ANK1: variants seen among roughly 807,000 people sequenced by gnomAD.
ANK1 encodes the protein ankyrin-1.
Under a neutral mutation model 210.4 loss-of-function variants are expected in ANK1, and 51 were observed. The ratio of observed to expected loss-of-function variants is 0.24; its 90% CI spans 0.19 to 0.31. The LOEUF is 0.31. Among genes scored for constraint, ANK1 ranks in the 10% least tolerant of loss-of-function variants. ANK1 has a pLI of 1.00. For missense variants in ANK1, 2,051 were observed against 2,504.4 expected (o/e 0.82, Z 3.86); for synonymous variants, 967 against 1,025.9 (o/e 0.94, Z 1.10).
intron 1 of ANK1, among the ~76,000 whole-genome samples, chr8:41,832,182 A>G (rs1482580589): frequency 6.6e-6 from 1 of 152,200 alleles, no homozygotes; most frequent in Non-Finnish European, 1.5e-5. Flanking sequence ...GTTAAAATAA[A>G]TGCTAGACAG....
At chr8:41,715,573 G>A (rs1827394035) in intron 14 of ANK1, 79 bp downstream of exon 14, 33 of 1,548,080 alleles carry the variant, frequency 2.1e-5, no homozygotes, top group Non-Finnish European at 2.6e-5. Flanking sequence ...AAGAGAACCA[G>A]GCAGGAATTC....
At chr8:41,717,825 T>A in intron 11 of ANK1, 123 bp from the exon 12 acceptor site, 2 of 1,025,928 alleles carry the variant, frequency 1.9e-6, no homozygotes, top group Non-Finnish European at 1.5e-6. Flanking sequence ...CTATATGAGG[T>A]GGGTTTGCTT....
At chr8:41,889,999 C>T (rs765898200) in intron 1 of ANK1, among the ~76,000 whole-genome samples, 1 of 152,132 alleles carries the variant, frequency 6.6e-6, no homozygotes, top group Non-Finnish European at 1.5e-5. Flanking sequence ...TTTCCCAGTA[C>T]TGAAAGAATA....
chr8:41,664,997 C>T (rs1809963405), intron 39 of ANK1: 1 of 1,614,088 alleles, frequency 6.2e-7, no homozygotes, highest in Non-Finnish European at 8.5e-7. Flanking sequence ...CCAGCGTGAC[C>T]AACAGCTGGG....
At chr8:41,703,438 A>ATTT (rs1563491543) in intron 20 of ANK1, among the ~76,000 whole-genome samples, 44 of 68,530 alleles carry the variant, frequency 6.4e-4, no homozygotes, top group African/African-American at 2.5e-3. Flanking sequence ...ATATATATAT[A>ATTT]TATATATATA....
chr8:41,765,137 TTCTC>T (rs1210715290), intron 1 of ANK1, among the ~76,000 whole-genome samples: 1 of 151,240 alleles, frequency 6.6e-6, no homozygotes, highest in Admixed American at 6.6e-5. Flanking sequence ...CTCTCTCTCT[TTCTC>T]TCTTTCCTTC....
Position 41,694,131 on chromosome 8 carries a change from G to C in ANK1, c.3328-29C>G. The C allele has an allele frequency of 1.2e-6, 2 of 1,603,926 alleles. No homozygotes were observed. The highest frequency in any genetic ancestry group is 8.5e-7 in the Non-Finnish European group (1 of 1,174,042). ...TGAAATGACAGAGGCAGGACACTCA[G>C]GCCCAAGCAGGAGAGGGGCTAATCA... On this transcript the variant is annotated intron_variant, in intron 28 of 42. Coordinates refer to ENST00000289734, the MANE Select transcript of ANK1 (RefSeq NM_000037.4). The surrounding 1 kb of genome is among the most constrained non-coding windows in gnomAD (Gnocchi z 5.7).
At chr8:41,700,137 T>G (rs919044562) in intron 22 of ANK1, among the ~76,000 whole-genome samples, 1 of 152,026 alleles carries the variant, frequency 6.6e-6, no homozygotes, top group Non-Finnish European at 1.5e-5. Flanking sequence ...CACCCAGGAG[T>G]GAGCACCATG....
chr8:41,711,259 C>T (rs1388226325), intron 16 of ANK1, among the ~76,000 whole-genome samples: 2 of 152,156 alleles, frequency 1.3e-5, no homozygotes, highest in Non-Finnish European at 2.9e-5. Flanking sequence ...AGAAGATTTT[C>T]ACTATGTAAA....
upstream of ANK1, among the ~76,000 whole-genome samples, chr8:41,801,092 T>C (rs1385536153): frequency 1.3e-5 from 2 of 152,198 alleles, no homozygotes; most frequent in East Asian, 3.9e-4. Flanking sequence ...TGATATCCCA[T>C]TGTAGGCAAA....
intron 31 of ANK1, among the ~76,000 whole-genome samples, chr8:41,691,968 T>C (rs1819383004): frequency 6.6e-6 from 1 of 152,192 alleles, no homozygotes; most frequent in South Asian, 2.1e-4. Flanking sequence ...GTTGGGATTA[T>C]AGGCGTGAGC....
chr8:41,781,097 G>T (rs1312684188), intron 1 of ANK1, among the ~76,000 whole-genome samples: 3 of 152,232 alleles, frequency 2.0e-5, no homozygotes, highest in Admixed American at 2.0e-4. Context: ...TTTGTGGAAA[G>T]TCTCCCTCTC....
rs112380910 is a variant in ANK1, at chr8:41,872,742, G to C, written c.126+23613C>G. ...GAGGAGATACCTTCAGAAAGACTCA[G>C]TAACACCTTGGAAAGACAGAGGCCT... On this transcript the variant is annotated intron_variant, in intron 1 of 42. Coordinates refer to the ANK1 transcript ENST00000265709. Among the ~76,000 whole-genome samples the C allele has an allele frequency of 3.5e-3, 535 of 152,306 alleles. 1 individual carries two copies. The highest frequency in any genetic ancestry group is 0.013 in the African/African-American group (523 of 41,572).
intron 1 of ANK1, among the ~76,000 whole-genome samples, chr8:41,830,418 C>A (rs1291792681): frequency 6.6e-6 from 1 of 151,770 alleles, no homozygotes; most frequent in Admixed American, 6.6e-5. Context: ...CAAAAGTATT[C>A]TTCATTCTGG....
intron 2 of ANK1, among the ~76,000 whole-genome samples, chr8:41,742,476 G>C (rs1343572301): frequency 6.6e-6 from 1 of 152,188 alleles, no homozygotes; most frequent in Non-Finnish European, 1.5e-5. Context: ...CTATGGAGCA[G>C]GCAGCTTCAG....
intron 16 of ANK1, among the ~76,000 whole-genome samples, chr8:41,710,757 G>T (rs1825910897): frequency 6.6e-6 from 1 of 152,198 alleles, no homozygotes; most frequent in Admixed American, 6.5e-5. Flanking sequence ...CTCCCTGCCA[G>T]CCACTCTCTT....
At chr8:41,673,046 T>A (rs1211659645) in intron 37 of ANK1, 134 bp from the exon 38 acceptor site, 6 of 981,082 alleles carry the variant, frequency 6.1e-6, no homozygotes, top group Non-Finnish European at 9.1e-6. Context: ...TCGGGGTGGG[T>A]TGGGGGCTTT....
At chr8:41,739,144 G>T (rs1014793806) in intron 2 of ANK1, among the ~76,000 whole-genome samples, 1 of 152,082 alleles carries the variant, frequency 6.6e-6, no homozygotes, top group Non-Finnish European at 1.5e-5. Flanking sequence ...CTCTGTTTTG[G>T]TTTGTTTTTT....
chr8:41,802,961 G>T (rs1361922070), intron 1 of ANK1, among the ~76,000 whole-genome samples: 6 of 22,960 alleles, frequency 2.6e-4, no homozygotes, highest in African/African-American at 4.9e-4. Flanking sequence ...GGGGGGGGGA[G>T]AGAGAGAGAG....
Sources: allele counts gnomAD v4.1 joint callset (sites outside exome capture counted in the v4.1 genomes callset), GRCh38; gene constraint gnomAD v4.1.1; non-coding constraint Gnocchi (gnomAD v3.1); transcripts MANE v1.5; gene names NCBI Gene and HGNC (gene_info 2026-07-23, HGNC 2026-07-21).